Variants in CDH18 observed in about 807,000 individuals in gnomAD.
CDH18 encodes cadherin 18, also known as cadherin-18.
CDH18 carries 31 observed loss-of-function variants against 67.9 expected under a neutral mutation model. The observed-to-expected ratio is 0.46, with a 90% CI of 0.34 to 0.62. The LOEUF is 0.62. Ranked by LOEUF, CDH18 falls within the 20% of genes least tolerant of loss-of-function variation. CDH18 has a pLI of 0.01. For synonymous variants in CDH18, 362 were observed against 347.2 expected (o/e 1.04, Z -0.48); for missense variants, 890 against 975.5 (o/e 0.91, Z 1.17).
At chr5:19,805,974 T>C (rs1280079254) in intron 3 of CDH18, among the ~76,000 whole-genome samples, 3 of 152,280 alleles carry the variant, frequency 2.0e-5, no homozygotes, top group African/African-American at 4.8e-5. Flanking sequence ...TCTACCAGGA[T>C]TGTACTCAGT....
chr5:20,242,611 AAT>A (rs1554106656), intron 2 of CDH18, among the ~76,000 whole-genome samples: 4 of 39,486 alleles, frequency 1.0e-4, no homozygotes, highest in Admixed American at 3.0e-4. Context: ...AAAAAAAAAA[AAT>A]ATATATATAT....
chr5:19,662,093 T>C (rs7722720), intron 5 of CDH18, among the ~76,000 whole-genome samples: 1,551 of 152,004 alleles, frequency 0.01, 24 homozygotes, highest in African/African-American at 0.036. Context: ...ACAGCCACCA[T>C]GTGGCTTACC....
intron 1 of CDH18, among the ~76,000 whole-genome samples, chr5:20,498,479 T>C (rs1051843486): frequency 1.1e-4 from 16 of 152,098 alleles, no homozygotes; most frequent in African/African-American, 3.9e-4. Flanking sequence ...GAGATACTTA[T>C]TTTAAAAACA....
Position 19,603,371 on chromosome 5 carries a change from T to C in CDH18, c.811+9063A>G, listed in dbSNP as rs1388785979. Among the ~76,000 whole-genome samples, 3 of 152,036 alleles carry C rather than the reference T, an allele frequency of 2.0e-5. 1 individual carries two copies. The South Asian group carries it at 6.2e-4, about 31-fold the overall frequency. Reference sequence around the variant, plus strand: ...ACTCAGGAGAGGGAAAATGGGAAAGTACCCATTAAACAATGGGTACAAAGT... The same window carrying C: ...ACTCAGGAGAGGGAAAATGGGAAAGCACCCATTAAACAATGGGTACAAAGT... On this transcript the variant is annotated intron_variant, in intron 6 of 12. Coordinates refer to ENST00000382275, the MANE Select transcript of CDH18 (RefSeq NM_004934.5).
intron 1 of CDH18, among the ~76,000 whole-genome samples, chr5:20,499,122 A>G (rs1754085856): frequency 1.3e-5 from 2 of 152,004 alleles, no homozygotes; most frequent in Admixed American, 1.3e-4. Context: ...ACTCTCACAC[A>G]CATACACACA....
chr5:20,354,021 C>T (rs1741411041), intron 1 of CDH18, among the ~76,000 whole-genome samples: 2 of 152,116 alleles, frequency 1.3e-5, no homozygotes, highest in South Asian at 4.1e-4. Flanking sequence ...AGCTATAAAG[C>T]TGAATTCTTG....
At chr5:19,816,768 G>T (rs987351254) in intron 3 of CDH18, among the ~76,000 whole-genome samples, 2 of 151,636 alleles carry the variant, frequency 1.3e-5, no homozygotes, top group Non-Finnish European at 3.0e-5. Flanking sequence ...GATAAAAAGG[G>T]CTAAGGAATT....
rs1184061486 is a variant in CDH18, at chr5:19,549,737, AAG to A, written c.1254-5734_1254-5733del. Among the ~76,000 whole-genome samples, 25 of 137,016 alleles carry A rather than the reference AAG, an allele frequency of 1.8e-4. 1 individual carries two copies. The highest frequency in any genetic ancestry group is 1.4e-3 in the Admixed American group (19 of 13,834). The allele number at this position is 137,016 out of a possible 152,430, so 89.9% of individuals were successfully genotyped here. On this transcript the variant is annotated intron_variant, in intron 8 of 12. Transcript: ENST00000382275. Reference sequence around the variant, plus strand: ...AGGAAGAAAGGAAGGAAGAAAGAGAAAGAGAGAAAAGAAAAAGAAAGAAAGAA... The same window carrying A: ...AGGAAGAAAGGAAGGAAGAAAGAGAAAGAGAAAAGAAAAAGAAAGAAAGAA...
chr5:20,472,407 T>G (rs1283028614), intron 1 of CDH18, among the ~76,000 whole-genome samples: 1 of 152,186 alleles, frequency 6.6e-6, no homozygotes, highest in East Asian at 1.9e-4. Flanking sequence ...TTTGGGACAA[T>G]GTAGATCCGT....
intron 1 of CDH18, among the ~76,000 whole-genome samples, chr5:20,399,471 A>G (rs1036842939): frequency 2.0e-5 from 3 of 152,172 alleles, no homozygotes. Context: ...CAGACACACT[A>G]CTTTTAGGAG....
intron 5 of CDH18, among the ~76,000 whole-genome samples, chr5:19,622,507 C>T (rs1750874493): frequency 6.6e-6 from 1 of 152,150 alleles, no homozygotes. Flanking sequence ...TATTTGCCTT[C>T]TCCTTAAATT....
intron 2 of CDH18, among the ~76,000 whole-genome samples, chr5:20,173,295 A>G (rs1736984841): frequency 6.6e-6 from 1 of 152,210 alleles, no homozygotes; most frequent in Non-Finnish European, 1.5e-5. Flanking sequence ...AAATGTATAC[A>G]TCAAGGAAAC....
At chr5:20,162,043 C>G (rs935788045) in intron 2 of CDH18, among the ~76,000 whole-genome samples, 14 of 152,096 alleles carry the variant, frequency 9.2e-5, no homozygotes, top group African/African-American at 3.4e-4. Flanking sequence ...TGCATACTTA[C>G]ACTGAAATTA....
chr5:19,682,506 G>A (rs1385847308), intron 5 of CDH18, among the ~76,000 whole-genome samples: 2 of 151,934 alleles, frequency 1.3e-5, no homozygotes, highest in African/African-American at 2.4e-5. Flanking sequence ...CCATTGCTGA[G>A]TCACAGAGTG....
intron 2 of CDH18, among the ~76,000 whole-genome samples, chr5:20,106,657 G>A (rs940886597): frequency 6.6e-6 from 1 of 152,178 alleles, no homozygotes; most frequent in African/African-American, 2.4e-5. Context: ...TGGGATTGTG[G>A]TGGTTGTTGT....
intron 4 of CDH18, among the ~76,000 whole-genome samples, chr5:19,739,373 C>T (rs1209152927): frequency 1.3e-5 from 2 of 152,230 alleles, no homozygotes; most frequent in African/African-American, 2.4e-5. Context: ...GGATGAGATA[C>T]CATGGATCAG....
Position 19,543,854 on chromosome 5 carries a change from C to G in CDH18, c.1390+15G>C. On this transcript the variant is annotated intron_variant, in intron 9 of 12. Transcript: ENST00000382275. ...ACAAGTGACATCTTTTACTGTGATA[C>G]ATAAAGTAGTTTACCAATTTCTGAA... 1 of 1,557,564 alleles carries G rather than the reference C, an allele frequency of 6.4e-7. No homozygotes were observed. Among genetic ancestry groups the G allele is most frequent in the South Asian group, 1.2e-5 (1 of 82,026 alleles).
chr5:19,948,530 T>C (rs149436237), intron 2 of CDH18, among the ~76,000 whole-genome samples: 2 of 152,152 alleles, frequency 1.3e-5, no homozygotes, highest in African/African-American at 2.4e-5. Context: ...TTGCCCTCTG[T>C]AAGGGTTTCT....
chr5:19,775,645 C>T (rs954210251), intron 3 of CDH18, among the ~76,000 whole-genome samples: 1 of 152,130 alleles, frequency 6.6e-6, no homozygotes, highest in African/African-American at 2.4e-5. Flanking sequence ...GATCCAAACA[C>T]CACCTACCAG....
Sources: gnomAD v4.1 joint callset for allele counts (sites outside exome capture counted in the v4.1 genomes callset) on GRCh38, gnomAD v4.1.1 for gene constraint, MANE v1.5 for transcripts, NCBI Gene and HGNC (gene_info 2026-07-23, HGNC 2026-07-21) for gene names.